C1QTNF9: variants seen among roughly 807,000 people sequenced by gnomAD.
C1QTNF9 encodes the protein complement C1q and tumor necrosis factor-related protein 9A.
Under a neutral mutation model 10.1 loss-of-function variants are expected in C1QTNF9, and 6 were observed. The ratio of observed to expected loss-of-function variants is 0.59; its 90% CI spans 0.32 to 1.17. The LOEUF is 1.17. Ranked by LOEUF, C1QTNF9 falls within the 50% of genes most tolerant of loss-of-function variation. The probability of loss-of-function intolerance (pLI) is 0.04; values close to 1 mark genes in which losing one functional copy is unlikely to be tolerated. For missense variants in C1QTNF9, 201 were observed against 418.8 expected (o/e 0.48, Z 4.54); for synonymous variants, 98 against 163.5 (o/e 0.60, Z 3.06).
intron 2 of C1QTNF9, among the ~76,000 whole-genome samples, chr13:24,316,464 A>G (rs55977095): frequency 0.13 from 20,144 of 152,136 alleles, 1,428 homozygotes; most frequent in Middle Eastern, 0.26. Context: ...GACACCGCAG[A>G]ACATTTTCAG....
chr13:24,321,781 TA>T, exon 4 of C1QTNF9: 2 of 1,538,682 alleles, frequency 1.3e-6, no homozygotes, highest in South Asian at 1.3e-5. Context: ...GAGGAGAGTT[TA>T]AAAATCCGCC....
At chr13:24,322,347 C>T (rs530254816) in exon 4 of C1QTNF9, 1 of 152,448 alleles carries the variant, frequency 6.6e-6, no homozygotes, top group South Asian at 2.1e-4. Flanking sequence ...AGGTATTAAG[C>T]CCTGCATGCA....
chr13:24,308,035 C>A (rs1446357740), upstream of C1QTNF9, among the ~76,000 whole-genome samples: 1 of 152,184 alleles, frequency 6.6e-6, no homozygotes, highest in Non-Finnish European at 1.5e-5. Flanking sequence ...GGGGTGTCAG[C>A]AAAGCGGGGC....
upstream of C1QTNF9, among the ~76,000 whole-genome samples, chr13:24,308,602 G>T (rs969783756): frequency 6.6e-6 from 1 of 152,240 alleles, no homozygotes; most frequent in African/African-American, 2.4e-5. Context: ...CGGCGCCGCC[G>T]AGCTGGGGCG....
At chr13:24,310,187 T>C (rs1408540718) in intron 1 of C1QTNF9, among the ~76,000 whole-genome samples, 1 of 150,612 alleles carries the variant, frequency 6.6e-6, no homozygotes, top group Non-Finnish European at 1.5e-5. Flanking sequence ...AGAGTCTCAC[T>C]CTGTTGTCCA....
At chr13:24,311,553 T>G (rs1877820504) in intron 1 of C1QTNF9, among the ~76,000 whole-genome samples, 1 of 152,172 alleles carries the variant, frequency 6.6e-6, no homozygotes, top group Non-Finnish European at 1.5e-5. Flanking sequence ...CATATATTAC[T>G]GGGAGGGTTG....
intron 2 of C1QTNF9, among the ~76,000 whole-genome samples, chr13:24,317,166 C>T (rs1878070212): frequency 1.3e-5 from 2 of 152,158 alleles, no homozygotes; most frequent in East Asian, 1.9e-4. Context: ...GTTCCAGTCC[C>T]CAGGTAGCAA....
chr13:24,320,324 G>A (rs1278008118), intron 3 of C1QTNF9, among the ~76,000 whole-genome samples: 3 of 152,196 alleles, frequency 2.0e-5, no homozygotes, highest in African/African-American at 4.8e-5. Flanking sequence ...GTCAAAAGGT[G>A]TGTTGGGATG....
intron 1 of C1QTNF9, among the ~76,000 whole-genome samples, chr13:24,312,954 CAAAAA>C (rs34668112): frequency 8.6e-6 from 1 of 115,894 alleles, no homozygotes; most frequent in Non-Finnish European, 1.7e-5. Context: ...GACTCTATCT[CAAAAA>C]AAAAAAAAAA....
intron 1 of C1QTNF9, 109 bp from the exon 2 acceptor site, chr13:24,315,873 G>A (rs950023568): frequency 7.6e-6 from 9 of 1,188,458 alleles, no homozygotes; most frequent in African/African-American, 1.5e-5. Flanking sequence ...GCAGGTGTGG[G>A]TCTGGGGCAG....
Position 24,319,992 on chromosome 13 carries a change from ACGGCTCTT to A in C1QTNF9, c.230-1003_230-996del, listed in dbSNP as rs1593536692. On this transcript the variant is annotated intron_variant, in intron 3 of 3. Transcript: ENST00000332018. ...AACCTCAGAGTCCACACTTGCAACC[ACGGCTCTT>A]TGGTATGGGTGGGGGTGCAAGGAAG... is the stretch of plus-strand genomic sequence containing the variant. 2.0e-5 allele frequency among the ~76,000 whole-genome samples: 3 copies of A among 152,290 alleles called. No homozygotes were observed. The East Asian group carries it at 5.8e-4, about 29-fold the overall frequency.
chr13:24,314,741 G>A (rs2138805112), intron 1 of C1QTNF9, among the ~76,000 whole-genome samples: 1 of 152,248 alleles, frequency 6.6e-6, no homozygotes, highest in Non-Finnish European at 1.5e-5. Flanking sequence ...CTACTTGGGA[G>A]GTTGAAGCAA....
intron 1 of C1QTNF9, among the ~76,000 whole-genome samples, chr13:24,310,773 G>T (rs184786724): frequency 6.6e-6 from 1 of 151,784 alleles, no homozygotes; most frequent in Non-Finnish European, 1.5e-5. Flanking sequence ...TTAGCCAGGC[G>T]TGGTGGTGGG....
intron 1 of C1QTNF9, among the ~76,000 whole-genome samples, chr13:24,314,560 T>C (rs1237041104): frequency 1.3e-5 from 2 of 152,090 alleles, no homozygotes; most frequent in Admixed American, 1.3e-4. Context: ...GTGGCGCCTG[T>C]AGTCCCAGCT....
chr13:24,307,623 T>G (rs754663307), upstream of C1QTNF9, among the ~76,000 whole-genome samples: 4 of 152,246 alleles, frequency 2.6e-5, no homozygotes, highest in Non-Finnish European at 4.4e-5. Flanking sequence ...CAAAGTGATC[T>G]GCTCCTCCCA....
intron 1 of C1QTNF9, among the ~76,000 whole-genome samples, chr13:24,311,858 A>G (rs1186523402): frequency 6.6e-6 from 1 of 152,056 alleles, no homozygotes; most frequent in Non-Finnish European, 1.5e-5. Context: ...CACATGGTTC[A>G]CCATGCCATG....
chr13:24,321,941 G>A (rs1377687872), exon 4 of C1QTNF9: 9 of 839,510 alleles, frequency 1.1e-5, no homozygotes, highest in Non-Finnish European at 3.4e-6. Context: ...TTTTCCAGGA[G>A]TAAATATTTA....
chr13:24,315,735 C>T (rs1877996018), intron 1 of C1QTNF9: 1 of 525,820 alleles, frequency 1.9e-6, no homozygotes, highest in Non-Finnish European at 3.4e-6. Context: ...TGACCTTAAA[C>T]TTGGCTTTTT....
intron 1 of C1QTNF9, among the ~76,000 whole-genome samples, chr13:24,312,033 C>G (rs1403517723): frequency 3.9e-5 from 6 of 152,146 alleles, no homozygotes; most frequent in South Asian, 2.1e-4. Context: ...TATCATGGGC[C>G]CCTAGAAGCC....
Sources: allele counts gnomAD v4.1 joint callset (sites outside exome capture counted in the v4.1 genomes callset), GRCh38; gene constraint gnomAD v4.1.1; transcripts MANE v1.5; gene names NCBI Gene and HGNC (gene_info 2026-07-23, HGNC 2026-07-21).